The following OSBPL6 variants were observed in gnomAD, a reference collection of about 807,000 sequenced individuals.
OSBPL6 encodes oxysterol binding protein like 6, also known as oxysterol-binding protein-related protein 6.
A neutral mutation model predicts 125.8 loss-of-function variants in OSBPL6; 49 were observed. That is an observed-to-expected ratio of 0.39 (90% confidence interval 0.31 to 0.49). OSBPL6 has a LOEUF of 0.49. OSBPL6 is among the 20% of genes least tolerant of loss of function. The pLI, the probability that OSBPL6 is intolerant of heterozygous loss-of-function variation, is 0.88. For missense variants in OSBPL6, 986 were observed against 1,135.4 expected, an observed-to-expected ratio of 0.87 and a Z score of 1.89; for synonymous variants, 394 against 391.8, an observed-to-expected ratio of 1.01 and a Z score of -0.07.
intron 1 of OSBPL6, among the ~76,000 whole-genome samples, chr2:178,254,169 G>A (rs561050388): frequency 7.2e-5 from 11 of 152,126 alleles, no homozygotes; most frequent in South Asian, 2.1e-4. Flanking sequence ...CGAGGTGGGC[G>A]GATCACGAGG....
chr2:178,353,648 T>G (rs776104260), intron 12 of OSBPL6, among the ~76,000 whole-genome samples: 3 of 152,160 alleles, frequency 2.0e-5, no homozygotes, highest in Middle Eastern at 3.2e-3. Context: ...GATGGGGTAA[T>G]TGAACCAAGT....
At chr2:178,235,403 T>C (rs1364305439) in intron 1 of OSBPL6, among the ~76,000 whole-genome samples, 1 of 43,906 alleles carries the variant, frequency 2.3e-5, no homozygotes, top group Non-Finnish European at 3.9e-5. Context: ...CTTTTCTTTT[T>C]TTTTTTTTTT....
At chr2:178,278,562 A>C (rs1182625812) in intron 1 of OSBPL6, among the ~76,000 whole-genome samples, 1 of 152,202 alleles carries the variant, frequency 6.6e-6, no homozygotes, top group Non-Finnish European at 1.5e-5. Flanking sequence ...TACTTTTCTG[A>C]GGTTAAATGT....
chr2:178,298,501 G>A (rs758618449), intron 2 of OSBPL6, among the ~76,000 whole-genome samples: 1 of 152,128 alleles, frequency 6.6e-6, no homozygotes, highest in Admixed American at 6.6e-5. Context: ...TCAGCTCGCT[G>A]CAGCCTTCAC....
chr2:178,364,017 T>C (rs1478066009), intron 13 of OSBPL6, among the ~76,000 whole-genome samples: 1 of 152,308 alleles, frequency 6.6e-6, no homozygotes, highest in South Asian at 2.1e-4. Flanking sequence ...CCGTCACCTC[T>C]AAGTGTGGAC....
At chr2:178,288,897 G>A (rs1357306777) in intron 2 of OSBPL6, among the ~76,000 whole-genome samples, 10 of 151,942 alleles carry the variant, frequency 6.6e-5, no homozygotes, top group South Asian at 4.2e-4. Context: ...TGATCCACCC[G>A]CCTTGGCCTC....
chr2:178,284,218 A>G (rs985232082), intron 1 of OSBPL6, among the ~76,000 whole-genome samples: 7 of 152,110 alleles, frequency 4.6e-5, no homozygotes, highest in Non-Finnish European at 7.4e-5. Context: ...TTGTACATCT[A>G]TGTGCATGTA....
At chr2:178,270,801 A>G (rs1029186894) in intron 1 of OSBPL6, among the ~76,000 whole-genome samples, 7 of 152,204 alleles carry the variant, frequency 4.6e-5, no homozygotes, top group South Asian at 4.2e-4. Context: ...TTAACCTAAT[A>G]TTAGTTGATC....
chr2:178,221,473 G>A (rs1398254980), intron 1 of OSBPL6, among the ~76,000 whole-genome samples: 1 of 152,160 alleles, frequency 6.6e-6, no homozygotes, highest in Non-Finnish European at 1.5e-5. Context: ...AGTAGATGAA[G>A]CTATGAGCAT....
At chr2:178,254,146 C>T (rs974794026) in intron 1 of OSBPL6, among the ~76,000 whole-genome samples, 1 of 152,150 alleles carries the variant, frequency 6.6e-6, no homozygotes, top group Non-Finnish European at 1.5e-5. Context: ...GTAATCCCAA[C>T]ACTTTGGGAG....
At chr2:178,250,145 A>G (rs533812904) in intron 1 of OSBPL6, among the ~76,000 whole-genome samples, 1 of 152,342 alleles carries the variant, frequency 6.6e-6, no homozygotes, top group Admixed American at 6.5e-5. Flanking sequence ...TCTAACAGCT[A>G]TGCTGATGCC....
At chr2:178,355,467 C>G (rs998099669) in intron 12 of OSBPL6, among the ~76,000 whole-genome samples, 3 of 152,188 alleles carry the variant, frequency 2.0e-5, no homozygotes, top group African/African-American at 7.2e-5. Flanking sequence ...CACTTCTACG[C>G]AAATAAACTA....
chr2:178,304,316 C>G (rs142214949), intron 2 of OSBPL6, among the ~76,000 whole-genome samples: 2 of 152,276 alleles, frequency 1.3e-5, no homozygotes, highest in Non-Finnish European at 2.9e-5. Flanking sequence ...TTCTGCATGG[C>G]TGGGGAGGCC....
intron 1 of OSBPL6, among the ~76,000 whole-genome samples, chr2:178,233,046 T>G (rs1210690172): frequency 6.6e-6 from 1 of 152,216 alleles, no homozygotes; most frequent in African/African-American, 2.4e-5. Context: ...CACCCCATGG[T>G]GTACTGCCTA....
chr2:178,305,935 CCTCT>C (rs1190424063), intron 2 of OSBPL6, 91 bp from the exon 3 acceptor site: 1 of 276,564 alleles, frequency 3.6e-6, no homozygotes, highest in Non-Finnish European at 6.7e-6. Flanking sequence ...CAGAGTTCCT[CCTCT>C]CACTAACACA....
At chr2:178,229,518 C>A (rs13026005) in intron 1 of OSBPL6, among the ~76,000 whole-genome samples, 24,057 of 152,078 alleles carry the variant, frequency 0.16, 2,417 homozygotes, top group South Asian at 0.23. Flanking sequence ...ATTAGCATCA[C>A]CTGGGAACTT....
chr2:178,391,819 A>G (rs1025257620), intron 22 of OSBPL6, among the ~76,000 whole-genome samples: 2 of 152,230 alleles, frequency 1.3e-5, no homozygotes, highest in African/African-American at 4.8e-5. Flanking sequence ...AACTAAAATT[A>G]GTTGTTAGTT....
chr2:178,387,244 C>A, intron 20 of OSBPL6, 105 bp downstream of exon 20: 3 of 858,628 alleles, frequency 3.5e-6, no homozygotes, highest in East Asian at 3.0e-5. Flanking sequence ...TCTTTATACC[C>A]AAACTTCTGT....
chr2:178,250,547 C>T (rs947810938), intron 1 of OSBPL6, among the ~76,000 whole-genome samples: 11 of 152,180 alleles, frequency 7.2e-5, no homozygotes, highest in African/African-American at 1.4e-4. Context: ...TTGACAAAGG[C>T]GGCTGCTTGC....
Sources: allele counts gnomAD v4.1 joint callset (sites outside exome capture counted in the v4.1 genomes callset), GRCh38; gene constraint gnomAD v4.1.1; transcripts MANE v1.5; gene names NCBI Gene and HGNC (gene_info 2026-07-23, HGNC 2026-07-21).